DNAH9: variants seen among roughly 807,000 people sequenced by gnomAD.
DNAH9 encodes DNAH9 variant protein.
In DNAH9, 345 loss-of-function variants were observed where a neutral mutation model predicts 471.6. That is an observed-to-expected ratio of 0.73 (90% CI 0.67 to 0.80). The LOEUF (loss-of-function observed/expected upper bound fraction) is 0.80, where lower values mean the gene tolerates loss of function less well. DNAH9 is among the 30% of genes least tolerant of loss of function. The probability of loss-of-function intolerance (pLI) is 0.00; values close to 1 mark genes in which losing one functional copy is unlikely to be tolerated. For synonymous variants in DNAH9, 2,093 were observed against 2,123.6 expected (o/e 0.99, Z 0.40); for missense variants, 5,407 against 5,609.2 (o/e 0.96, Z 1.15).
At chr17:11,957,001 A>C (rs942572469) in intron 67 of DNAH9, among the ~76,000 whole-genome samples, 5 of 151,932 alleles carry the variant, frequency 3.3e-5, no homozygotes, top group Non-Finnish European at 7.4e-5. Context: ...TTTAAAAATG[A>C]ATAAAATTAA....
intron 17 of DNAH9, among the ~76,000 whole-genome samples, chr17:11,671,201 G>C (rs572910980): frequency 1.6e-4 from 25 of 152,198 alleles, no homozygotes; most frequent in Non-Finnish European, 3.2e-4. Context: ...TCAAGGATAA[G>C]CAGCATGTTT....
At chr17:11,969,272 G>A in intron 68 of DNAH9, 28 bp from the exon 69 acceptor site, 1 of 1,603,530 alleles carries the variant, frequency 6.2e-7, no homozygotes, top group Non-Finnish European at 8.5e-7. Flanking sequence ...TCTGATCTAA[G>A]GTGCCTCTTC....
chr17:11,843,855 G>GTATATA (rs1329330705), intron 49 of DNAH9, among the ~76,000 whole-genome samples: 40 of 9,234 alleles, frequency 4.3e-3, no homozygotes, highest in East Asian at 7.5e-3. Context: ...GTGTGTGTGT[G>GTATATA]TGTGTGTGTA....
chr17:11,646,216 T>TC (rs1380123410), intron 11 of DNAH9, among the ~76,000 whole-genome samples: 2 of 151,736 alleles, frequency 1.3e-5, no homozygotes, highest in Admixed American at 6.6e-5. Flanking sequence ...ACGGGGTTTC[T>TC]CCATGTTGGT....
chr17:11,609,293 G>A (rs1033993989), intron 2 of DNAH9, among the ~76,000 whole-genome samples: 1 of 152,194 alleles, frequency 6.6e-6, no homozygotes, highest in Non-Finnish European at 1.5e-5. Flanking sequence ...ACAATTTGAA[G>A]TAATTTCCCA....
chr17:11,902,596 A>T, intron 59 of DNAH9, 123 bp from the exon 60 acceptor site: 2 of 961,082 alleles, frequency 2.1e-6, no homozygotes, highest in Non-Finnish European at 3.1e-6. Context: ...CCAAAGCTCT[A>T]GACAAGAGTA....
Position 11,844,398 on chromosome 17 carries a change from G to T in DNAH9, c.9507+9500G>T, listed in dbSNP as rs1008380358. On this transcript the variant is annotated intron_variant, in intron 49 of 68. Coordinates refer to ENST00000262442, the MANE Select transcript of DNAH9 (RefSeq NM_001372.4). ...AAGATTTTTTTGAAATTTTGTTTTA[G>T]TCATTTCCTTTGAAGCCACATCATG... 2.6e-4 allele frequency among the ~76,000 whole-genome samples: 40 copies of T among 152,000 alleles called. 1 individual carries two copies.
chr17:11,745,119 C>T (rs1214331571), intron 31 of DNAH9, 35 bp downstream of exon 31: 2 of 1,563,970 alleles, frequency 1.3e-6, no homozygotes, highest in East Asian at 2.3e-5. Context: ...ATTTCTCTAT[C>T]TCTTACTTAT....
chr17:11,731,562 A>G (rs1421582585), intron 28 of DNAH9, among the ~76,000 whole-genome samples: 3 of 105,840 alleles, frequency 2.8e-5, no homozygotes, highest in Non-Finnish European at 5.4e-5. Flanking sequence ...CCCCCACCCA[A>G]CAACAGGCCC....
At chr17:11,699,622 C>T (rs2074555609) in intron 22 of DNAH9, 109 bp from the exon 23 acceptor site, 4 of 933,840 alleles carry the variant, frequency 4.3e-6, no homozygotes, top group Admixed American at 3.9e-5. Context: ...GCTTGGTATC[C>T]ACCACTCTGT....
rs1567724991 is a variant in DNAH9, at chr17:11,694,728, T to TCTCTCTC, written c.4872+281_4872+282insCTCTCTC. On this transcript the variant is annotated intron_variant, in intron 22 of 68. Coordinates refer to ENST00000262442, the MANE Select transcript of DNAH9 (RefSeq NM_001372.4). ...TCTCTCTCTCTCTCTCTCTCTCTCTTTCTCTTTCTTTCTTTCTTTCTTTCC... is the reference window on the plus strand; with the variant it reads ...TCTCTCTCTCTCTCTCTCTCTCTCTTCTCTCTCTCTCTTTCTTTCTTTCTTTCTTTCC... 7.7e-4 allele frequency among the ~76,000 whole-genome samples: 2 copies of TCTCTCTC among 2,590 alleles called. 1 individual carries two copies. 1.7% of individuals were successfully genotyped at this position (2,590 alleles called of 152,430 possible).
chr17:11,756,568 G>A lies in DNAH9; in HGVS notation c.6739G>A (p.Val2247Met), dbSNP rs138590276. The stretch of plus-strand genomic sequence containing the variant: ...GCATGCCCTTCCCTGTTGTCTCCAG[G>A]TGCTGACATTGGCCAGCAATGAGAG... ...SLNTVMDDNKVLTLASNERIP... is the reference protein window; with the variant it reads ...SLNTVMDDNKMLTLASNERIP... The change falls in exon 34 of 69, where the codon GTG becomes ATG. Residue 2247 changes from valine to methionine, a missense_variant and splice_region_variant. Physicochemically the swap from Val to Met is conservative, Grantham distance 21 (BLOSUM62 1). Coordinates refer to ENST00000262442, the MANE Select transcript of DNAH9 (RefSeq NM_001372.4). 9 of 1,597,428 alleles carry A rather than the reference G, an allele frequency of 5.6e-6. No individual in the cohort carries two copies. In the African/African-American group the frequency reaches 1.2e-4, roughly 21 times the overall value.
chr17:11,799,832 G>A (rs760887154), intron 43 of DNAH9, among the ~76,000 whole-genome samples: 2 of 152,088 alleles, frequency 1.3e-5, no homozygotes, highest in African/African-American at 2.4e-5. Flanking sequence ...TGATCCACCC[G>A]CCTTGGACTC....
At chr17:11,963,265 T>A (rs1478652972) in intron 68 of DNAH9, among the ~76,000 whole-genome samples, 2 of 151,844 alleles carry the variant, frequency 1.3e-5, no homozygotes, top group African/African-American at 4.8e-5. Flanking sequence ...AGAAACCCCA[T>A]CTCTACTAAA....
At chr17:11,967,585 T>C (rs1976841307) in intron 68 of DNAH9, among the ~76,000 whole-genome samples, 3 of 152,198 alleles carry the variant, frequency 2.0e-5, no homozygotes, top group Non-Finnish European at 2.9e-5. Flanking sequence ...TAATCAGTGA[T>C]TACATTAAAT....
chr17:11,854,386 A>G lies in DNAH9; in HGVS notation c.9891A>G (p.Thr3297=). ...TGAACAAAGCCACCGCGGACCTCAC[A>G]GCTGCCCAGGAGAAGCTGGCTGCCA... ...QALNKATADL[T]AAQEKLAAIK... The change falls in exon 50 of 69, where the codon ACA becomes ACG. Residue 3297 remains threonine (T), a synonymous_variant. Transcript: ENST00000262442. The G allele has an allele frequency of 6.2e-7, 1 of 1,613,978 alleles. No homozygotes were observed. Among genetic ancestry groups the G allele is most frequent in the African/African-American group, 1.3e-5 (1 of 75,020 alleles).
chr17:11,731,847 C>T (rs1230473759), intron 28 of DNAH9, among the ~76,000 whole-genome samples: 1 of 152,104 alleles, frequency 6.6e-6, no homozygotes, highest in African/African-American at 2.4e-5. Context: ...GTGAATAGTG[C>T]CGCAATAAAC....
chr17:11,832,043 T>A (rs1374210932), intron 48 of DNAH9, among the ~76,000 whole-genome samples: 1 of 152,192 alleles, frequency 6.6e-6, no homozygotes, highest in Non-Finnish European at 1.5e-5. Context: ...TGTGGTTGTG[T>A]CTAAATAAGG....
chr17:11,872,140 T>C (rs907293465), intron 52 of DNAH9, among the ~76,000 whole-genome samples: 1 of 152,154 alleles, frequency 6.6e-6, no homozygotes, highest in Non-Finnish European at 1.5e-5. Context: ...CCAGACTTCA[T>C]AGGAGCAGTC....
Sources: allele counts gnomAD v4.1 joint callset (sites outside exome capture counted in the v4.1 genomes callset), GRCh38; gene constraint gnomAD v4.1.1; transcripts MANE v1.5; gene names NCBI Gene and HGNC (gene_info 2026-07-23, HGNC 2026-07-21).